The following PARP11 variants were observed in gnomAD, a reference collection of about 807,000 sequenced individuals.
PARP11 encodes poly(ADP-ribose) polymerase family member 11.
In PARP11, 31 loss-of-function variants were observed where a neutral mutation model predicts 42.9. The observed-to-expected ratio is 0.72, with a 90% CI of 0.54 to 0.98. The LOEUF (loss-of-function observed/expected upper bound fraction) is 0.98. Ranked by LOEUF, PARP11 falls within the 50% of genes least tolerant of loss-of-function variation. The pLI is 0.00. For missense variants in PARP11, 365 were observed against 413.1 expected (o/e 0.88, Z 1.01); for synonymous variants, 137 against 127.3 (o/e 1.08, Z -0.51).
intron 6 of PARP11, among the ~76,000 whole-genome samples, chr12:3,816,980 A>C (rs1479247658): frequency 1.3e-5 from 2 of 152,190 alleles, no homozygotes. Context: ...TCACGAGGTC[A>C]GAAGATCCAG....
intron 1 of PARP11, among the ~76,000 whole-genome samples, chr12:3,832,519 T>C (rs1399003718): frequency 1.3e-5 from 2 of 152,240 alleles, no homozygotes; most frequent in Non-Finnish European, 2.9e-5. Flanking sequence ...AACATTTAGT[T>C]TAATTGCTTT....
Position 3,841,961 on chromosome 12 carries a change from G to C in PARP11, c.19-11943C>G. ...TCTCTCCCTGAAGCAAGTGTGAGCA[G>C]TAAGCCAGACGAAGGCCGGACAGAG... On this transcript the variant is annotated intron_variant, in intron 1 of 7. Coordinates refer to ENST00000228820, the MANE Select transcript of PARP11 (RefSeq NM_020367.6). The C allele has an allele frequency of 1.1e-5, 17 of 1,609,766 alleles. 1 individual carries two copies. The South Asian group carries it at 1.9e-4, about 18-fold the overall frequency.
intron 1 of PARP11, among the ~76,000 whole-genome samples, chr12:3,833,757 G>A (rs1021658623): frequency 6.6e-6 from 1 of 152,158 alleles, no homozygotes; most frequent in Admixed American, 6.5e-5. Context: ...AGTCTGTGGC[G>A]TTTGAGTTAC....
At chr12:3,837,056 G>A (rs1947781191) in intron 1 of PARP11, among the ~76,000 whole-genome samples, 1 of 152,160 alleles carries the variant, frequency 6.6e-6, no homozygotes, top group Non-Finnish European at 1.5e-5. Flanking sequence ...GAGTCAAGTA[G>A]GACTACAATC....
At chr12:3,815,132 T>G (rs1947260336) in intron 6 of PARP11, 1 of 438,372 alleles carries the variant, frequency 2.3e-6, no homozygotes, top group African/African-American at 2.0e-5. Flanking sequence ...CTGCAAACTA[T>G]TTGCTGCATT....
intron 1 of PARP11, among the ~76,000 whole-genome samples, chr12:3,844,434 T>G (rs1417917107): frequency 6.6e-6 from 1 of 152,254 alleles, no homozygotes; most frequent in Non-Finnish European, 1.5e-5. Flanking sequence ...TATGCTTTTT[T>G]TTGTAGGACT....
chr12:3,830,399 T>C (rs1947612999), intron 1 of PARP11, among the ~76,000 whole-genome samples: 1 of 152,208 alleles, frequency 6.6e-6, no homozygotes, highest in East Asian at 1.9e-4. Flanking sequence ...ATCAAATGCA[T>C]CTAATTTTTA....
intron 1 of PARP11, among the ~76,000 whole-genome samples, chr12:3,871,386 CTA>C (rs1278181538): frequency 6.6e-6 from 1 of 152,166 alleles, no homozygotes; most frequent in African/African-American, 2.4e-5. Context: ...TGTATCTTTT[CTA>C]TGTTTAGATA....
At chr12:3,839,472 T>C in intron 1 of PARP11, 2 of 1,612,484 alleles carry the variant, frequency 1.2e-6, no homozygotes, top group South Asian at 1.1e-5. Flanking sequence ...TATTGCACTC[T>C]CAGTCTCGCC....
At position 3,811,901 on chromosome 12, in the gene PARP11, A is replaced by G; in HGVS notation, c.*222T>C. ...TTCACCCCTATGTGTTAAAACATCAATGATATCAACTTTTAACAAACAAGA... is the reference window on the plus strand; with the variant it reads ...TTCACCCCTATGTGTTAAAACATCAGTGATATCAACTTTTAACAAACAAGA... On this transcript the variant is annotated 3_prime_UTR_variant, in exon 8 of 8. Coordinates refer to ENST00000228820, the MANE Select transcript of PARP11 (RefSeq NM_020367.6). 1 of 518,608 alleles carries G rather than the reference A, an allele frequency of 1.9e-6. No individual in the cohort carries two copies. The allele number at this position is 518,608 out of a possible 1,614,324, so 32.1% of individuals were successfully genotyped here.
chr12:3,837,534 A>G (rs1947792608), intron 1 of PARP11, among the ~76,000 whole-genome samples: 1 of 152,230 alleles, frequency 6.6e-6, no homozygotes, highest in Non-Finnish European at 1.5e-5. Context: ...TAAGAAAGGA[A>G]GAGAGCAGTT....
rs113753290 is a variant in PARP11, at chr12:3,851,884, C to T, written c.18+21328G>A. Among the ~76,000 whole-genome samples the T allele has an allele frequency of 2.5e-4, 38 of 152,296 alleles. No homozygotes were observed. In the East Asian group the frequency reaches 5.8e-3, roughly 23 times the overall value. ...GGGGCCGACTGACACCTCATACAGT[C>T]GGATGCCCCTCTGAGACGAAGCTTC... On this transcript the variant is annotated intron_variant, in intron 1 of 7. Coordinates refer to ENST00000228820, the MANE Select transcript of PARP11 (RefSeq NM_020367.6).
At chr12:3,827,615 A>C (rs1021946052) in intron 3 of PARP11, among the ~76,000 whole-genome samples, 1 of 152,214 alleles carries the variant, frequency 6.6e-6, no homozygotes, top group East Asian at 1.9e-4. Flanking sequence ...ATTAAAAAAA[A>C]AATGGCTTGT....
intron 6 of PARP11, among the ~76,000 whole-genome samples, chr12:3,821,573 G>A (rs1947392446): frequency 6.6e-6 from 1 of 152,186 alleles, no homozygotes; most frequent in Non-Finnish European, 1.5e-5. Flanking sequence ...CTTAGCCAAG[G>A]AAGTCATATC....
intron 6 of PARP11, among the ~76,000 whole-genome samples, chr12:3,816,006 C>T (rs531127129): frequency 6.6e-6 from 1 of 152,230 alleles, no homozygotes; most frequent in South Asian, 2.1e-4. Context: ...AATGTATATG[C>T]TTTGATCTAT....
At chr12:3,841,024 G>A in intron 1 of PARP11, 2 of 1,585,046 alleles carry the variant, frequency 1.3e-6, no homozygotes, top group South Asian at 2.2e-5. Flanking sequence ...TGGTCGGTCA[G>A]TGACACAGAC....
chr12:3,825,710 G>T (rs962387383), intron 4 of PARP11, among the ~76,000 whole-genome samples: 1 of 151,960 alleles, frequency 6.6e-6, no homozygotes, highest in Admixed American at 6.6e-5. Context: ...TGAGAGATTT[G>T]ATATTTTTTT....
intron 1 of PARP11, among the ~76,000 whole-genome samples, chr12:3,837,853 TAAAG>T (rs1195881398): frequency 1.3e-5 from 2 of 151,456 alleles, no homozygotes; most frequent in East Asian, 3.9e-4. Flanking sequence ...TAAAAAGAGA[TAAAG>T]AAGGTCAATA....
At position 3,841,839 on chromosome 12, in the gene PARP11, A is replaced by T; in HGVS notation, c.19-11821T>A. ...TCCTGCCCTCTGATGAGAAAGGAGA[A>T]TTGGATCTGTCTCTGGAAAATCTGG... is the stretch of plus-strand genomic sequence containing the variant. On this transcript the variant is annotated intron_variant, in intron 1 of 7. Transcript: ENST00000228820. The T allele has an allele frequency of 2.5e-6, 4 of 1,609,154 alleles. No individual in the cohort carries two copies. In the South Asian group the frequency reaches 4.4e-5, roughly 18 times the overall value.
Sources: allele counts gnomAD v4.1 joint callset (sites outside exome capture counted in the v4.1 genomes callset), GRCh38; gene constraint gnomAD v4.1.1; transcripts MANE v1.5; gene names NCBI Gene and HGNC (gene_info 2026-07-23, HGNC 2026-07-21).